The following PPP3CA variants were observed in gnomAD, a reference collection of about 807,000 sequenced individuals.
The protein encoded by PPP3CA is CAM-PRP catalytic subunit.
A neutral mutation model predicts 66.5 loss-of-function variants in PPP3CA; 14 were observed. The ratio of observed to expected loss-of-function variants is 0.21; its 90% CI spans 0.14 to 0.33. The LOEUF (loss-of-function observed/expected upper bound fraction) is 0.33. Ranked by LOEUF, PPP3CA falls within the 10% of genes least tolerant of loss-of-function variation. The pLI, the probability that PPP3CA is intolerant of heterozygous loss-of-function variation, is 1.00. For synonymous variants in PPP3CA, 232 were observed against 226.2 expected (o/e 1.03, Z -0.23); for missense variants, 317 against 639.5 (o/e 0.50, Z 5.44).
chr4:101,346,826 G>T lies in PPP3CA; in HGVS notation c.-30C>A, dbSNP rs766253646. 2 of 1,603,564 alleles carry T rather than the reference G, an allele frequency of 1.2e-6. No individual in the cohort carries two copies. On this transcript the variant is annotated 5_prime_UTR_variant, in exon 1 of 14. Coordinates refer to ENST00000394854, the MANE Select transcript of PPP3CA (RefSeq NM_000944.5). ...AGCTGCCGGAGGACAGCGACGCGCT[G>T]CTCGTCCGTCCGACTGCACACCCCG...
chr4:101,275,258 C>G (rs58084948), intron 1 of PPP3CA, among the ~76,000 whole-genome samples: 1 of 152,138 alleles, frequency 6.6e-6, no homozygotes, highest in Non-Finnish European at 1.5e-5. Flanking sequence ...TGGTTAACTG[C>G]CACCCATATC....
chr4:101,069,454 T>C (rs954482168), intron 8 of PPP3CA, among the ~76,000 whole-genome samples: 1 of 152,194 alleles, frequency 6.6e-6, no homozygotes, highest in Non-Finnish European at 1.5e-5. Flanking sequence ...TCATAGTACC[T>C]ACAACACCTT....
At chr4:101,328,647 T>G (rs1198000600) in intron 1 of PPP3CA, among the ~76,000 whole-genome samples, 1 of 152,212 alleles carries the variant, frequency 6.6e-6, no homozygotes, top group Non-Finnish European at 1.5e-5. Context: ...AATTGAAGAT[T>G]TATAGCAATT....
rs1380752278 is a variant in PPP3CA at position 101,135,232 on chromosome 4, T to A, written c.260-26154A>T. Among the ~76,000 whole-genome samples the A allele has an allele frequency of 3.1e-5, 4 of 130,726 alleles. No individual in the cohort carries two copies. In the Admixed American group the frequency reaches 3.1e-4, roughly 10 times the overall value. The allele number at this position is 130,726 out of a possible 152,430, so 85.8% of individuals were successfully genotyped here. A position where few individuals can be genotyped will look rare whatever the true frequency, so the allele number is the denominator to read the frequency against. On this transcript the variant is annotated intron_variant, in intron 2 of 13. Transcript: ENST00000394854. The stretch of plus-strand genomic sequence containing the variant: ...TTAAAGTATAATAACAATAAAAAAA[T>A]TTTAATCCTTCTCAAAAAAAAAAAA...
intron 1 of PPP3CA, among the ~76,000 whole-genome samples, chr4:101,235,330 A>G (rs1439125311): frequency 1.3e-5 from 2 of 151,660 alleles, no homozygotes; most frequent in Admixed American, 6.6e-5. Context: ...GAGGTTGCCC[A>G]CTCTTCCTGC....
chr4:101,060,416 A>C (rs1247629602), intron 10 of PPP3CA, among the ~76,000 whole-genome samples: 1 of 152,074 alleles, frequency 6.6e-6, no homozygotes, highest in South Asian at 2.1e-4. Context: ...TTTCTTCTCT[A>C]AGTACATTTT....
chr4:101,157,655 G>C (rs1206084265), intron 2 of PPP3CA, among the ~76,000 whole-genome samples: 7 of 152,040 alleles, frequency 4.6e-5, no homozygotes, highest in Admixed American at 3.9e-4. Flanking sequence ...ACTCCTGTCT[G>C]GCAGAAGAGA....
At chr4:101,165,100 C>A (rs1352217808) in intron 2 of PPP3CA, among the ~76,000 whole-genome samples, 1 of 152,022 alleles carries the variant, frequency 6.6e-6, no homozygotes, top group Non-Finnish European at 1.5e-5. Flanking sequence ...ATGGAATCTG[C>A]GATTAAACAA....
chr4:101,306,877 A>G (rs1488927354), intron 1 of PPP3CA, among the ~76,000 whole-genome samples: 1 of 152,120 alleles, frequency 6.6e-6, no homozygotes, highest in East Asian at 1.9e-4. Context: ...AAGATGTGAG[A>G]ATTACAGCAC....
At chr4:101,031,095 C>T (rs190767258) in intron 12 of PPP3CA, among the ~76,000 whole-genome samples, 9 of 151,500 alleles carry the variant, frequency 5.9e-5, no homozygotes, top group East Asian at 1.9e-4. Flanking sequence ...GACACTGATT[C>T]GGAATATATT....
intron 3 of PPP3CA, among the ~76,000 whole-genome samples, chr4:101,100,923 A>G (rs1730412600): frequency 6.6e-6 from 1 of 152,152 alleles, no homozygotes; most frequent in African/African-American, 2.4e-5. Context: ...CTCTTAGCTT[A>G]TATGATAATT....
At chr4:101,160,401 C>G (rs975531289) in intron 2 of PPP3CA, among the ~76,000 whole-genome samples, 6 of 152,042 alleles carry the variant, frequency 3.9e-5, no homozygotes, top group African/African-American at 1.5e-4. Context: ...AACGTGATTT[C>G]TTTAGTTTCC....
rs370867669 is a variant in PPP3CA at position 101,248,887 on chromosome 4, G to A, written c.59-52771C>T. On this transcript the variant is annotated intron_variant, in intron 1 of 13. Coordinates refer to ENST00000394854, the MANE Select transcript of PPP3CA (RefSeq NM_000944.5). ...TTAAAAAACAAATTACTGGCCGGGC[G>A]CGGTGGCTCACGCCTGTAATCCCAA... is the stretch of plus-strand genomic sequence containing the variant. 1.4e-3 allele frequency among the ~76,000 whole-genome samples: 206 copies of A among 152,276 alleles called. 1 individual carries two copies. Among genetic ancestry groups the A allele is most frequent in the African/African-American group, 4.7e-3 (195 of 41,552 alleles).
intron 1 of PPP3CA, among the ~76,000 whole-genome samples, chr4:101,272,926 G>GT (rs1386843795): frequency 6.6e-6 from 1 of 152,154 alleles, no homozygotes; most frequent in Non-Finnish European, 1.5e-5. Context: ...CTATTCCCAG[G>GT]TAAGAACGAA....
intron 2 of PPP3CA, among the ~76,000 whole-genome samples, chr4:101,142,399 G>GAGAA (rs1722838396): frequency 6.6e-6 from 1 of 152,194 alleles, no homozygotes; most frequent in South Asian, 2.1e-4. Flanking sequence ...CAGTGAGAAA[G>GAGAA]AGGAAAGCTA....
At chr4:101,184,386 T>C (rs1387222883) in intron 2 of PPP3CA, among the ~76,000 whole-genome samples, 1 of 152,172 alleles carries the variant, frequency 6.6e-6, no homozygotes, top group Non-Finnish European at 1.5e-5. Flanking sequence ...CTTCTTTATC[T>C]ATAACTGTGC....
intron 1 of PPP3CA, among the ~76,000 whole-genome samples, chr4:101,293,964 G>T (rs1039328976): frequency 3.9e-5 from 6 of 152,104 alleles, no homozygotes; most frequent in Admixed American, 3.3e-4. Context: ...CATTATGTAA[G>T]GAGAATGAAT....
intron 10 of PPP3CA, among the ~76,000 whole-genome samples, chr4:101,044,505 A>T (rs1727673999): frequency 6.6e-6 from 1 of 152,204 alleles, no homozygotes; most frequent in African/African-American, 2.4e-5. Flanking sequence ...ATTTCTTTCC[A>T]CTTAAAAAAA....
intron 2 of PPP3CA, among the ~76,000 whole-genome samples, chr4:101,191,166 C>T (rs1724589715): frequency 6.6e-6 from 1 of 152,128 alleles, no homozygotes. Flanking sequence ...AATTCTCAGG[C>T]CCTACTCCAG....
Sources: allele counts gnomAD v4.1 joint callset (sites outside exome capture counted in the v4.1 genomes callset), GRCh38; gene constraint gnomAD v4.1.1; transcripts MANE v1.5; gene names NCBI Gene and HGNC (gene_info 2026-07-23, HGNC 2026-07-21).